Variants in EVI5 observed in about 807,000 individuals in gnomAD.
EVI5 encodes the protein ecotropic viral integration site 5.
A neutral mutation model predicts 112.0 loss-of-function variants in EVI5; 73 were observed. That is an observed-to-expected ratio of 0.65 (90% CI 0.54 to 0.79). The LOEUF is 0.79. Ranked by LOEUF, EVI5 falls within the 30% of genes least tolerant of loss-of-function variation. EVI5 has a pLI of 0.00. For missense variants in EVI5, 900 were observed against 968.8 expected (o/e 0.93, Z 0.94); for synonymous variants, 305 against 319.9 (o/e 0.95, Z 0.50).
At chr1:92,733,881 C>CGGA (rs1203754769) in intron 2 of EVI5, among the ~76,000 whole-genome samples, 1 of 152,176 alleles carries the variant, frequency 6.6e-6, no homozygotes, top group Non-Finnish European at 1.5e-5. Flanking sequence ...CTGGCTGTAG[C>CGGA]ACTGCTCCAA....
intron 2 of EVI5, among the ~76,000 whole-genome samples, chr1:92,718,794 C>T (rs1674224434): frequency 6.6e-6 from 1 of 151,902 alleles, no homozygotes; most frequent in Admixed American, 6.6e-5. Context: ...TGATAGACCT[C>T]AAGCAAGATT....
At chr1:92,713,444 A>G (rs949497807) in intron 2 of EVI5, among the ~76,000 whole-genome samples, 5 of 151,888 alleles carry the variant, frequency 3.3e-5, no homozygotes, top group Admixed American at 3.3e-4. Flanking sequence ...TGTTGACTAT[A>G]TTTTTAAAAA....
At chr1:92,746,911 T>A (rs2893224) in intron 1 of EVI5, among the ~76,000 whole-genome samples, 1 of 149,514 alleles carries the variant, frequency 6.7e-6, no homozygotes. Flanking sequence ...AAAAAAAAAG[T>A]TTTTTTAAAA....
At chr1:92,581,499 T>C (rs1247560252) in intron 18 of EVI5, among the ~76,000 whole-genome samples, 6 of 152,226 alleles carry the variant, frequency 3.9e-5, no homozygotes, top group Non-Finnish European at 8.8e-5. Flanking sequence ...ATGTGAGATA[T>C]AAATGAATTC....
At chr1:92,718,527 G>T (rs1263065939) in intron 2 of EVI5, among the ~76,000 whole-genome samples, 2 of 152,088 alleles carry the variant, frequency 1.3e-5, no homozygotes, top group Non-Finnish European at 2.9e-5. Context: ...AGAATTTCTG[G>T]GACACATTTA....
intron 18 of EVI5, among the ~76,000 whole-genome samples, chr1:92,588,700 T>C (rs1456923100): frequency 6.6e-6 from 1 of 152,242 alleles, no homozygotes; most frequent in Non-Finnish European, 1.5e-5. Flanking sequence ...AGGTAGTGTT[T>C]AGAATAGTGA....
chr1:92,539,975 A>C (rs1664537700), intron 19 of EVI5, among the ~76,000 whole-genome samples: 1 of 152,162 alleles, frequency 6.6e-6, no homozygotes, highest in African/African-American at 2.4e-5. Context: ...GCCTTCTGTG[A>C]CTGATTTTTG....
chr1:92,537,981 C>A (rs1664175197), intron 19 of EVI5, among the ~76,000 whole-genome samples: 1 of 151,872 alleles, frequency 6.6e-6, no homozygotes, highest in Non-Finnish European at 1.5e-5. Context: ...AAAACATGCA[C>A]CCACATTAAT....
At chr1:92,645,264 G>C (rs1660722335) in intron 13 of EVI5, among the ~76,000 whole-genome samples, 1 of 152,032 alleles carries the variant, frequency 6.6e-6, no homozygotes, top group Non-Finnish European at 1.5e-5. Flanking sequence ...TACTCTTGGT[G>C]CTATTCCTTG....
At chr1:92,681,740 G>A (rs1667621536) in intron 9 of EVI5, among the ~76,000 whole-genome samples, 2 of 152,166 alleles carry the variant, frequency 1.3e-5, no homozygotes, top group African/African-American at 4.8e-5. Flanking sequence ...ACGAAAACGT[G>A]CTAGATCTGT....
chr1:92,698,468 C>T (rs561934065), intron 5 of EVI5, among the ~76,000 whole-genome samples: 1 of 152,212 alleles, frequency 6.6e-6, no homozygotes, highest in South Asian at 2.1e-4. Context: ...GGAAAGGTCC[C>T]CTGATACGGT....
intron 19 of EVI5, among the ~76,000 whole-genome samples, chr1:92,527,429 A>AAAAAAAAAAG (rs1662093705): frequency 1.5e-5 from 2 of 134,766 alleles, no homozygotes; most frequent in African/African-American, 2.8e-5. Context: ...AAAAAAAAAA[A>AAAAAAAAAAG]AAAAGAAAAA....
intron 18 of EVI5, among the ~76,000 whole-genome samples, chr1:92,577,783 A>G (rs1671309104): frequency 6.6e-6 from 1 of 152,258 alleles, no homozygotes; most frequent in Admixed American, 6.5e-5. Flanking sequence ...TTGCTCACAC[A>G]GCTGGAAAAT....
At chr1:92,514,410 T>C (rs938800735) in intron 19 of EVI5, among the ~76,000 whole-genome samples, 2 of 152,030 alleles carry the variant, frequency 1.3e-5, no homozygotes, top group African/African-American at 4.8e-5. Flanking sequence ...CCTGCCTCAG[T>C]CTCCCAAAGT....
At chr1:92,692,903 G>A (rs1022027351) in intron 9 of EVI5, among the ~76,000 whole-genome samples, 1 of 152,114 alleles carries the variant, frequency 6.6e-6, no homozygotes, top group African/African-American at 2.4e-5. Flanking sequence ...TATGACCGCA[G>A]GCTAAGAATT....
At chr1:92,635,835 T>C (rs1189080575) in intron 14 of EVI5, among the ~76,000 whole-genome samples, 1 of 152,202 alleles carries the variant, frequency 6.6e-6, no homozygotes, top group Non-Finnish European at 1.5e-5. Context: ...TATGTATTAG[T>C]CCTATTCTAT....
At chr1:92,608,778 C>G (rs538112116) in intron 16 of EVI5, among the ~76,000 whole-genome samples, 1 of 151,780 alleles carries the variant, frequency 6.6e-6, no homozygotes, top group African/African-American at 2.4e-5. Context: ...TCACACAATA[C>G]GGCATATGTG....
intron 3 of EVI5, 22 bp downstream of exon 3, chr1:92,704,533 C>A: frequency 6.8e-7 from 1 of 1,480,032 alleles, no homozygotes; most frequent in Non-Finnish European, 9.1e-7. Context: ...AGAATAAGAA[C>A]TTCAACAAAG....
At chr1:92,551,383 A>C (rs936095577) in intron 19 of EVI5, among the ~76,000 whole-genome samples, 1 of 152,182 alleles carries the variant, frequency 6.6e-6, no homozygotes, top group Non-Finnish European at 1.5e-5. Flanking sequence ...GCTTAGAAGT[A>C]CTGACATGAT....
Sources: gnomAD v4.1 joint callset for allele counts (sites outside exome capture counted in the v4.1 genomes callset) on GRCh38, gnomAD v4.1.1 for gene constraint, MANE v1.5 for transcripts, NCBI Gene and HGNC (gene_info 2026-07-23, HGNC 2026-07-21) for gene names.